Variants in SPAG16 observed in about 807,000 individuals in gnomAD.
SPAG16 encodes the protein sperm-associated antigen 16 protein.
A neutral mutation model predicts 80.4 loss-of-function variants in SPAG16; 86 were observed. That is an observed-to-expected ratio of 1.07 (90% CI 0.90 to 1.28). The LOEUF is 1.28. Among genes scored for constraint, SPAG16 ranks in the 50% most tolerant of loss-of-function variants. SPAG16 has a pLI of 0.00. For missense variants in SPAG16, 870 were observed against 765.3 expected, an observed-to-expected ratio of 1.14 and a Z score of -1.61; for synonymous variants, 294 against 265.9, an observed-to-expected ratio of 1.11 and a Z score of -1.03.
At chr2:214,021,129 T>C (rs923013990) in intron 13 of SPAG16, among the ~76,000 whole-genome samples, 51 of 152,260 alleles carry the variant, frequency 3.3e-4, no homozygotes, top group African/African-American at 1.2e-3. Context: ...AGAAAAAGCA[T>C]AACACATATT....
At chr2:213,887,518 CAT>C (rs1463641968) in intron 11 of SPAG16, among the ~76,000 whole-genome samples, 3 of 151,744 alleles carry the variant, frequency 2.0e-5, no homozygotes, top group Non-Finnish European at 2.9e-5. Context: ...GGTGATGAAA[CAT>C]GTAATTTAAA....
chr2:214,389,950 T>A (rs938515344), intron 15 of SPAG16, among the ~76,000 whole-genome samples: 2 of 152,148 alleles, frequency 1.3e-5, no homozygotes, highest in African/African-American at 4.8e-5. Context: ...CTATTTTTTG[T>A]TGGAGTGCAC....
intron 11 of SPAG16, among the ~76,000 whole-genome samples, chr2:213,883,266 AG>A (rs1318324986): frequency 6.6e-5 from 10 of 152,170 alleles, no homozygotes; most frequent in Admixed American, 6.5e-4. Context: ...GTGTCCACCC[AG>A]GAGTTATTGA....
At position 213,862,603 on chromosome 2, in the gene SPAG16, C is replaced by G. The variant is rs775191467; in HGVS notation, c.1189C>G (p.Leu397Val). The change falls in exon 11 of 16, where the codon CTT becomes GTT. Residue 397 changes from leucine to valine, a missense_variant. Physicochemically the swap from Leu to Val is conservative, Grantham distance 32. Coordinates refer to ENST00000331683, the MANE Select transcript of SPAG16 (RefSeq NM_024532.5). ...LLTGFGHTDW[L>V]SDCCFHPSGD... ...CACGGGATTTGGCCACACTGACTGG[C>G]TTTCAGACTGCTGCTTCCATCCCAG... The G allele has an allele frequency of 1.2e-6, 2 of 1,614,006 alleles. No individual in the cohort carries two copies. Among genetic ancestry groups the G allele is most frequent in the South Asian group, 2.2e-5 (2 of 91,088 alleles).
intron 12 of SPAG16, among the ~76,000 whole-genome samples, chr2:213,939,013 C>A (rs549355278): frequency 3.2e-4 from 48 of 152,130 alleles, no homozygotes; most frequent in Non-Finnish European, 6.6e-4. Context: ...GGTAAAAAGA[C>A]CATACCATCT....
rs183623097 is a variant in SPAG16 at position 213,712,045 on chromosome 2, G to A, written c.1071-150440G>A. On this transcript the variant is annotated intron_variant, in intron 10 of 15. Coordinates refer to ENST00000331683, the MANE Select transcript of SPAG16 (RefSeq NM_024532.5). Reference sequence around the variant, plus strand: ...TCTACACAAATGGCATTCTCAGGAGGGCACATTTATTTACATAGACTGCAA... The same window carrying A: ...TCTACACAAATGGCATTCTCAGGAGAGCACATTTATTTACATAGACTGCAA... Among the ~76,000 whole-genome samples, 38 of 152,042 alleles carry A rather than the reference G, an allele frequency of 2.5e-4. No individual in the cohort carries two copies. The East Asian group carries it at 7.1e-3, about 29-fold the overall frequency.
intron 15 of SPAG16, among the ~76,000 whole-genome samples, chr2:214,150,304 T>C (rs1376688975): frequency 6.6e-6 from 1 of 152,068 alleles, no homozygotes; most frequent in Non-Finnish European, 1.5e-5. Context: ...TTTGTCTTCT[T>C]AACAAACTTT....
intron 10 of SPAG16, among the ~76,000 whole-genome samples, chr2:213,691,970 T>C (rs1234175332): frequency 6.6e-6 from 1 of 152,192 alleles, no homozygotes; most frequent in African/African-American, 2.4e-5. Context: ...ACAAATTTAC[T>C]CAAATGTGGT....
At chr2:213,452,057 G>T (rs1185727036) in intron 9 of SPAG16, among the ~76,000 whole-genome samples, 2 of 152,008 alleles carry the variant, frequency 1.3e-5, no homozygotes, top group Non-Finnish European at 2.9e-5. Flanking sequence ...GTTTTTACTG[G>T]GGCCTATTGT....
chr2:214,300,535 G>A (rs1377246204), intron 15 of SPAG16, among the ~76,000 whole-genome samples: 2 of 151,952 alleles, frequency 1.3e-5, no homozygotes, highest in Non-Finnish European at 2.9e-5. Context: ...AATTTGTACT[G>A]TAGAAGAATC....
intron 10 of SPAG16, among the ~76,000 whole-genome samples, chr2:213,578,175 C>T (rs1379477616): frequency 1.3e-5 from 2 of 152,040 alleles, no homozygotes; most frequent in Non-Finnish European, 2.9e-5. Context: ...CCATTTTAAT[C>T]TATGTCTTAA....
intron 5 of SPAG16, 152 bp downstream of exon 5, chr2:213,317,508 T>TTAA (rs1444717854): frequency 7.4e-7 from 1 of 1,343,642 alleles, no homozygotes; most frequent in Non-Finnish European, 9.6e-7. Context: ...CATTAGCAAA[T>TTAA]TAATTAAACA....
chr2:213,572,336 T>C (rs1189032695), intron 10 of SPAG16, among the ~76,000 whole-genome samples: 3 of 94,646 alleles, frequency 3.2e-5, no homozygotes, highest in African/African-American at 1.4e-4. Context: ...GTTTCCAGTT[T>C]TTCTGTTCTG....
intron 10 of SPAG16, among the ~76,000 whole-genome samples, chr2:213,794,835 T>G (rs1016868542): frequency 6.6e-6 from 1 of 152,102 alleles, no homozygotes; most frequent in Non-Finnish European, 1.5e-5. Flanking sequence ...ATAAGAGACA[T>G]AGAATTAGAA....
At chr2:214,051,125 G>A (rs924753295) in intron 13 of SPAG16, among the ~76,000 whole-genome samples, 1 of 152,082 alleles carries the variant, frequency 6.6e-6, no homozygotes, top group African/African-American at 2.4e-5. Context: ...AATATTTCTG[G>A]CAATTTAGTA....
intron 13 of SPAG16, among the ~76,000 whole-genome samples, chr2:214,067,271 A>G (rs1559754021): frequency 6.6e-6 from 1 of 152,158 alleles, no homozygotes; most frequent in Non-Finnish European, 1.5e-5. Flanking sequence ...TTCAATAATT[A>G]GGTTGTTTCT....
At chr2:214,402,830 A>T (rs1192919591) in intron 15 of SPAG16, among the ~76,000 whole-genome samples, 3 of 151,996 alleles carry the variant, frequency 2.0e-5, no homozygotes, top group Admixed American at 1.3e-4. Flanking sequence ...GAATCAATAG[A>T]TGCCACTAGG....
intron 13 of SPAG16, among the ~76,000 whole-genome samples, chr2:214,107,360 A>G (rs954046078): frequency 1.3e-5 from 2 of 152,180 alleles, no homozygotes; most frequent in Non-Finnish European, 2.9e-5. Context: ...AAATGGTTGA[A>G]TGAAATCTGA....
intron 15 of SPAG16, among the ~76,000 whole-genome samples, chr2:214,378,447 C>T (rs1267003064): frequency 6.6e-6 from 1 of 152,188 alleles, no homozygotes; most frequent in African/African-American, 2.4e-5. Flanking sequence ...GTCTCTATCT[C>T]TGCCCTGTAT....
Sources: gnomAD v4.1 joint callset for allele counts (sites outside exome capture counted in the v4.1 genomes callset) on GRCh38, gnomAD v4.1.1 for gene constraint, MANE v1.5 for transcripts, NCBI Gene and HGNC (gene_info 2026-07-23, HGNC 2026-07-21) for gene names.